PTPRR: variants seen among roughly 807,000 people sequenced by gnomAD.
PTPRR encodes protein tyrosine phosphatase receptor type R.
Under a neutral mutation model 77.2 loss-of-function variants are expected in PTPRR, and 38 were observed. That is an observed-to-expected ratio of 0.49 (90% CI 0.38 to 0.65). The LOEUF is 0.65. Ranked by LOEUF, PTPRR falls within the 30% of genes least tolerant of loss-of-function variation. The probability of loss-of-function intolerance (pLI) is 0.00; values close to 1 mark genes in which losing one functional copy is unlikely to be tolerated. For synonymous variants in PTPRR, 299 were observed against 283.1 expected (o/e 1.06, Z -0.57); for missense variants, 744 against 799.2 (o/e 0.93, Z 0.83).
intron 2 of PTPRR, among the ~76,000 whole-genome samples, chr12:70,875,083 G>C (rs1292171596): frequency 6.6e-6 from 1 of 152,032 alleles, no homozygotes; most frequent in Non-Finnish European, 1.5e-5. Flanking sequence ...ATTCATAGAG[G>C]AATGGTTGAA....
chr12:70,751,756 C>T (rs903681295), intron 5 of PTPRR, among the ~76,000 whole-genome samples: 2 of 152,106 alleles, frequency 1.3e-5, no homozygotes, highest in African/African-American at 4.8e-5. Context: ...TTCTCACATA[C>T]CCTTCTTCCC....
chr12:70,816,301 G>A (rs768513223), intron 2 of PTPRR, among the ~76,000 whole-genome samples: 1 of 151,962 alleles, frequency 6.6e-6, no homozygotes, highest in African/African-American at 2.4e-5. Context: ...GAAAATGAAT[G>A]CACATTCCTC....
In PTPRR at chr12:70,886,272, G is replaced by A. The variant is rs1333318711; in HGVS notation, c.357+6407C>T. On this transcript the variant is annotated intron_variant, in intron 2 of 13. Coordinates refer to ENST00000283228, the MANE Select transcript of PTPRR (RefSeq NM_002849.4). ...TTGCAAGGATACAGTAATAGCTGGG[G>A]AAATCTGAGCATAAAGCTTTCTGCA... 2.0e-5 allele frequency among the ~76,000 whole-genome samples: 3 copies of A among 152,188 alleles called. No individual in the cohort carries two copies. The East Asian group carries it at 5.8e-4, about 29-fold the overall frequency.
intron 10 of PTPRR, among the ~76,000 whole-genome samples, chr12:70,681,853 C>T (rs1349945322): frequency 2.6e-5 from 4 of 152,046 alleles, no homozygotes; most frequent in Admixed American, 2.6e-4. Context: ...AGGGCGTTAC[C>T]AACCTAGTAT....
At chr12:70,749,791 C>T (rs2136938055) in intron 5 of PTPRR, among the ~76,000 whole-genome samples, 1 of 152,268 alleles carries the variant, frequency 6.6e-6, no homozygotes, top group African/African-American at 2.4e-5. Context: ...ATCCAAACAA[C>T]TATTTTCATG....
chr12:70,825,537 G>T (rs1892094083), intron 2 of PTPRR, among the ~76,000 whole-genome samples: 1 of 152,136 alleles, frequency 6.6e-6, no homozygotes, highest in Non-Finnish European at 1.5e-5. Flanking sequence ...AAAGAGGCCT[G>T]GGCCTGCCTT....
At chr12:70,646,255 C>T (rs989365317) in intron 13 of PTPRR, among the ~76,000 whole-genome samples, 1 of 152,076 alleles carries the variant, frequency 6.6e-6, no homozygotes, top group African/African-American at 2.4e-5. Context: ...GTGTGTCTGG[C>T]CCCTTGGACA....
intron 6 of PTPRR, among the ~76,000 whole-genome samples, chr12:70,701,991 C>T (rs975546898): frequency 6.6e-6 from 1 of 151,870 alleles, no homozygotes; most frequent in African/African-American, 2.4e-5. Context: ...ATAAATAAAA[C>T]AATAGATAAA....
chr12:70,899,444 T>C (rs1382099983), intron 1 of PTPRR, among the ~76,000 whole-genome samples: 1 of 151,326 alleles, frequency 6.6e-6, no homozygotes. Flanking sequence ...CATAACCCAC[T>C]CTACTGAGAG....
chr12:70,702,323 T>C (rs190558676), intron 6 of PTPRR, among the ~76,000 whole-genome samples: 348 of 152,112 alleles, frequency 2.3e-3, no homozygotes, highest in African/African-American at 7.7e-3. Context: ...AAGTCAGAGA[T>C]GGTGTTTACA....
intron 2 of PTPRR, among the ~76,000 whole-genome samples, chr12:70,808,045 C>A (rs539150271): frequency 1.1e-4 from 16 of 152,150 alleles, no homozygotes; most frequent in African/African-American, 3.9e-4. Context: ...GTAAGGAATA[C>A]TAATAATTAG....
chr12:70,829,174 T>A (rs976738120), intron 2 of PTPRR, among the ~76,000 whole-genome samples: 2 of 150,948 alleles, frequency 1.3e-5, no homozygotes, highest in Non-Finnish European at 2.9e-5. Context: ...CAGTGGCACA[T>A]AATAGGCATT....
Position 70,788,832 on chromosome 12 carries a change from T to C in PTPRR, c.358-24054A>G, listed in dbSNP as rs1367898367. On this transcript the variant is annotated intron_variant, in intron 2 of 13. Transcript: ENST00000283228. ...TTATCTCACCTGTTTGGAAATTGAC[T>C]GCATGTTGTGATGAAGTCGACTTCC... 5 of 1,524,886 alleles carry C rather than the reference T, an allele frequency of 3.3e-6. No homozygotes were observed. The African/African-American group carries it at 4.1e-5, about 13-fold the overall frequency. The allele number at this position is 1,524,886 out of a possible 1,614,324, so 94.5% of individuals were successfully genotyped here.
intron 2 of PTPRR, among the ~76,000 whole-genome samples, chr12:70,892,182 CATTTT>C (rs1893349606): frequency 6.6e-6 from 1 of 152,036 alleles, no homozygotes; most frequent in Non-Finnish European, 1.5e-5. Context: ...ACTCCCAACT[CATTTT>C]ATTTGCTCCA....
chr12:70,660,414 G>A (rs1465777321), intron 12 of PTPRR, among the ~76,000 whole-genome samples: 1 of 152,074 alleles, frequency 6.6e-6, no homozygotes, highest in African/African-American at 2.4e-5. Context: ...TTTTCCTTTG[G>A]TGACTTGCTC....
chr12:70,771,401 G>A (rs1415064781), intron 2 of PTPRR, among the ~76,000 whole-genome samples: 1 of 152,016 alleles, frequency 6.6e-6, no homozygotes, highest in Non-Finnish European at 1.5e-5. Context: ...TGCTAGAGGA[G>A]AGAGGGAGGG....
intron 1 of PTPRR, among the ~76,000 whole-genome samples, chr12:70,900,435 G>T (rs569198105): frequency 2.7e-4 from 41 of 151,218 alleles, no homozygotes; most frequent in African/African-American, 9.2e-4. Flanking sequence ...AGAAAAGATA[G>T]GCAAAAATCT....
At chr12:70,657,771 C>T (rs370879712) in intron 12 of PTPRR, among the ~76,000 whole-genome samples, 15 of 152,300 alleles carry the variant, frequency 9.8e-5, no homozygotes, top group Middle Eastern at 6.8e-3. Flanking sequence ...TTTTACATCT[C>T]TCCCTTTCTC....
At chr12:70,870,239 AG>A (rs1276324633) in intron 2 of PTPRR, among the ~76,000 whole-genome samples, 1 of 152,192 alleles carries the variant, frequency 6.6e-6, no homozygotes, top group Admixed American at 6.5e-5. Context: ...CATGATGGAA[AG>A]AACATCATCT....
Sources: gnomAD v4.1 joint callset for allele counts (sites outside exome capture counted in the v4.1 genomes callset) on GRCh38, gnomAD v4.1.1 for gene constraint, MANE v1.5 for transcripts, NCBI Gene and HGNC (gene_info 2026-07-23, HGNC 2026-07-21) for gene names.